Variants in MYO3A observed in about 807,000 individuals in gnomAD.
MYO3A encodes myosin IIIA, also known as myosin-IIIa.
A neutral mutation model predicts 192.7 loss-of-function variants in MYO3A; 180 were observed. That is an observed-to-expected ratio of 0.93 (90% CI 0.83 to 1.06). The LOEUF (loss-of-function observed/expected upper bound fraction) is 1.06. Among genes scored for constraint, MYO3A ranks in the 50% least tolerant of loss-of-function variants. The pLI is 0.00. For synonymous variants in MYO3A, 628 were observed against 645.3 expected, an observed-to-expected ratio of 0.97 and a Z score of 0.41; for missense variants, 1,896 against 1,905.0, an observed-to-expected ratio of 1.00 and a Z score of 0.09.
intron 14 of MYO3A, among the ~76,000 whole-genome samples, chr10:26,079,943 T>G (rs563858175): frequency 1.2e-4 from 19 of 152,202 alleles, no homozygotes; most frequent in Non-Finnish European, 2.2e-4. Context: ...GTCTCACAGC[T>G]CTTAAGATTC....
In MYO3A at chr10:26,211,914, G is replaced by A. The variant is rs200618860; in HGVS notation, c.4802G>A (p.Arg1601Lys). 2 of 1,614,024 alleles carry A rather than the reference G, an allele frequency of 1.2e-6. No homozygotes were observed. Among genetic ancestry groups the A allele is most frequent in the South Asian group, 1.1e-5 (1 of 91,034 alleles). The stretch of plus-strand genomic sequence containing the variant: ...GCAGCCAACCCCTACGACTTCAGGA[G>A]GCTCCTGCGCAAAACCTCCCAGCGC... ...EPAANPYDFR[R>K]LLRKTSQRRR... The change falls in exon 35 of 35, where the codon AGG becomes AAG. Residue 1601 changes from arginine (R) to lysine (K), a missense_variant. Transcript: ENST00000642920.
At chr10:26,056,328 T>C (rs1346189318) in intron 10 of MYO3A, among the ~76,000 whole-genome samples, 1 of 152,130 alleles carries the variant, frequency 6.6e-6, no homozygotes, top group South Asian at 2.1e-4. Flanking sequence ...ATAGAAGATC[T>C]AAGAATTGTG....
intron 30 of MYO3A, among the ~76,000 whole-genome samples, chr10:26,175,736 C>A (rs1218322800): frequency 6.6e-6 from 1 of 152,188 alleles, no homozygotes; most frequent in African/African-American, 2.4e-5. Flanking sequence ...CTCCAAAGAC[C>A]AAATCAGGGA....
At chr10:26,077,532 T>C (rs1294792682) in intron 14 of MYO3A, among the ~76,000 whole-genome samples, 2 of 152,064 alleles carry the variant, frequency 1.3e-5, no homozygotes, top group Non-Finnish European at 2.9e-5. Context: ...TCCAGTGTTA[T>C]GTTGAAGACG....
intron 11 of MYO3A, among the ~76,000 whole-genome samples, chr10:26,067,624 G>A (rs551697800): frequency 2.6e-5 from 4 of 152,150 alleles, no homozygotes; most frequent in Non-Finnish European, 5.9e-5. Context: ...TTATCTTTCG[G>A]GGGTATTGAA....
intron 20 of MYO3A, among the ~76,000 whole-genome samples, chr10:26,136,883 G>A (rs186265016): frequency 1.3e-5 from 2 of 152,216 alleles, no homozygotes; most frequent in Admixed American, 6.5e-5. Flanking sequence ...AGTGGGGCAT[G>A]GTGGCATGTG....
At chr10:26,035,090 G>T (rs929868610) in intron 10 of MYO3A, among the ~76,000 whole-genome samples, 1 of 152,126 alleles carries the variant, frequency 6.6e-6, no homozygotes, top group Admixed American at 6.6e-5. Context: ...TGGTAGCTGT[G>T]TCCATCCAAG....
intron 9 of MYO3A, 67 bp downstream of exon 9, chr10:26,024,154 TTTC>T: frequency 2.1e-6 from 3 of 1,412,156 alleles, no homozygotes; most frequent in Admixed American, 1.7e-5. Context: ...TCTCCTCCTA[TTTC>T]TTCTTATCTG....
intron 26 of MYO3A, among the ~76,000 whole-genome samples, chr10:26,158,352 A>C (rs1202355593): frequency 2.0e-5 from 3 of 151,432 alleles, no homozygotes; most frequent in Non-Finnish European, 2.9e-5. Flanking sequence ...TCCCAGGCTC[A>C]TGCCATTCTT....
At chr10:26,209,500 C>T (rs1325535281) in intron 34 of MYO3A, among the ~76,000 whole-genome samples, 2 of 152,122 alleles carry the variant, frequency 1.3e-5, no homozygotes, top group African/African-American at 2.4e-5. Flanking sequence ...TCTCTTGAGC[C>T]GCTTCAAGGT....
chr10:26,180,696 C>A, intron 31 of MYO3A, among the ~76,000 whole-genome samples: 1 of 149,094 alleles, frequency 6.7e-6, no homozygotes, highest in Non-Finnish European at 1.5e-5. Flanking sequence ...AGAAAAAGAG[C>A]CCATTGGAAA....
At chr10:26,100,440 C>T (rs981235840) in intron 17 of MYO3A, among the ~76,000 whole-genome samples, 6 of 152,154 alleles carry the variant, frequency 3.9e-5, no homozygotes, top group Non-Finnish European at 7.3e-5. Context: ...TTCTTGCCTT[C>T]TGCTAGCTTT....
At position 26,021,642 on chromosome 10, in the gene MYO3A, TA is replaced by T. The variant is rs1216127902; in HGVS notation, c.726del (p.Pro243GlnfsTer8). The T allele has an allele frequency of 6.2e-7, 1 of 1,614,068 alleles. No individual in the cohort carries two copies. The highest frequency in any genetic ancestry group is 1.1e-5 in the South Asian group (1 of 91,080). Reference sequence around the variant, plus strand: ...CATCCCATGAGAGCACTCTTCAAAATACCAAGGTCAGATGACTAACATTGGG... The same window carrying T: ...CATCCCATGAGAGCACTCTTCAAAATCCAAGGTCAGATGACTAACATTGGG... ...DLHPMRALFK[I>X]PRNPPPKLRQ... On this transcript the variant is annotated frameshift_variant, in exon 8 of 35. Transcript: ENST00000642920. LOFTEE classifies it high-confidence loss of function.
At chr10:26,113,869 CT>C (rs1838341366) in intron 17 of MYO3A, among the ~76,000 whole-genome samples, 1 of 152,172 alleles carries the variant, frequency 6.6e-6, no homozygotes. Flanking sequence ...GATTCCATGA[CT>C]AAAATTGAGG....
At chr10:26,150,345 A>G (rs1331636196) in intron 23 of MYO3A, among the ~76,000 whole-genome samples, 1 of 152,224 alleles carries the variant, frequency 6.6e-6, no homozygotes, top group African/African-American at 2.4e-5. Flanking sequence ...TGCTGGCCTC[A>G]TAGAATAAAT....
At chr10:26,172,128 G>T (rs1842077156) in intron 29 of MYO3A, among the ~76,000 whole-genome samples, 1 of 152,206 alleles carries the variant, frequency 6.6e-6, no homozygotes, top group Admixed American at 6.5e-5. Context: ...CTTGTAGAGA[G>T]GAAAGTTAGG....
intron 10 of MYO3A, among the ~76,000 whole-genome samples, chr10:26,037,092 T>C (rs982061213): frequency 1.3e-5 from 2 of 152,204 alleles, no homozygotes; most frequent in Non-Finnish European, 2.9e-5. Context: ...ACAACCTGTT[T>C]ATAAAATGAG....
Position 25,934,865 on chromosome 10 carries a change from C to G in MYO3A, c.-105+537C>G, listed in dbSNP as rs189268605. 7.5e-3 allele frequency among the ~76,000 whole-genome samples: 1,133 copies of G among 151,550 alleles called. 12 individuals are homozygous for G. The highest frequency in any genetic ancestry group is 0.026 in the African/African-American group (1,082 of 41,270). ...CAGGAGGAGGGAACGGGAAGGGTGG[C>G]GTAAGGGGTGAAGGAAGATCTTTAG... On this transcript the variant is annotated intron_variant, in intron 1 of 34. Coordinates refer to ENST00000642920, the MANE Select transcript of MYO3A (RefSeq NM_017433.5).
chr10:25,984,181 C>G (rs1191108649), intron 4 of MYO3A, among the ~76,000 whole-genome samples: 1 of 152,124 alleles, frequency 6.6e-6, no homozygotes, highest in Non-Finnish European at 1.5e-5. Flanking sequence ...CTCACAGAAC[C>G]TATATAACAA....
Sources: allele counts gnomAD v4.1 joint callset (sites outside exome capture counted in the v4.1 genomes callset), GRCh38; gene constraint gnomAD v4.1.1; transcripts MANE v1.5; gene names NCBI Gene and HGNC (gene_info 2026-07-23, HGNC 2026-07-21).